The following GTF2A1 variants were observed in gnomAD, a reference collection of about 807,000 sequenced individuals.
GTF2A1 encodes transcription initiation factor IIA subunit 1.
A neutral mutation model predicts 54.1 loss-of-function variants in GTF2A1; 12 were observed. That is an observed-to-expected ratio of 0.22 (90% CI 0.14 to 0.36). The LOEUF (loss-of-function observed/expected upper bound fraction) is 0.36. Ranked by LOEUF, GTF2A1 falls within the 10% of genes least tolerant of loss-of-function variation. GTF2A1 has a pLI of 1.00. For synonymous variants in GTF2A1, 145 were observed against 152.0 expected (o/e 0.95, Z 0.34); for missense variants, 335 against 442.2 (o/e 0.76, Z 2.17).
chr14:81,202,360 T>A lies in GTF2A1; in HGVS notation c.338-702A>T, dbSNP rs147070480. On this transcript the variant is annotated intron_variant, in intron 3 of 8. Transcript: ENST00000553612. ...TAAGCTCAAAAAGTTGTGACTAGTTTTTGAAATCTACATAGTCCTTTTCTT... is the reference window on the plus strand; with the variant it reads ...TAAGCTCAAAAAGTTGTGACTAGTTATTGAAATCTACATAGTCCTTTTCTT... 1.2e-4 allele frequency among the ~76,000 whole-genome samples: 18 copies of A among 152,342 alleles called. No homozygotes were observed. The East Asian group carries it at 2.3e-3, about 20-fold the overall frequency.
In GTF2A1 at chr14:81,175,953, T is replaced by C. The variant is rs1566847146; in HGVS notation, c.*4270A>G. On this transcript the variant is annotated 3_prime_UTR_variant, in exon 9 of 9. Coordinates refer to ENST00000553612, the MANE Select transcript of GTF2A1 (RefSeq NM_015859.4). ...CTTTTTAAAAGCTAGTATTAATCAT[T>C]TGTAACACAGTTTACTAATTCAAAT... is the stretch of plus-strand genomic sequence containing the variant. 6.6e-6 allele frequency: 1 copy of C among 152,220 alleles called. No individual in the cohort carries two copies. The highest frequency in any genetic ancestry group is 1.5e-5 in the Non-Finnish European group (1 of 68,024). The allele number at this position is 152,220 out of a possible 1,614,324, so 9.4% of individuals were successfully genotyped here.
chr14:81,197,355 G>T, intron 5 of GTF2A1, 54 bp downstream of exon 5: 1 of 895,972 alleles, frequency 1.1e-6, no homozygotes, highest in South Asian at 1.5e-5. Context: ...CTAAGGGCTA[G>T]ATAGTACAAT....
intron 4 of GTF2A1, 39 bp downstream of exon 4, chr14:81,201,555 T>C: frequency 8.3e-7 from 1 of 1,211,036 alleles, no homozygotes; most frequent in Non-Finnish European, 1.2e-6. Flanking sequence ...GGGTTAGAAT[T>C]AAGTACAGCC....
chr14:81,190,000 G>C (rs1892839465), intron 7 of GTF2A1, among the ~76,000 whole-genome samples: 1 of 61,242 alleles, frequency 1.6e-5, no homozygotes, highest in South Asian at 3.6e-4. Context: ...TGGTAAGACT[G>C]AACAGGGAAA....
chr14:81,204,140 A>G, intron 2 of GTF2A1, 36 bp from the exon 3 acceptor site: 1 of 1,364,688 alleles, frequency 7.3e-7, no homozygotes, highest in Non-Finnish European at 1.0e-6. Context: ...CTAAGTGAAA[A>G]ATAACTCTGG....
chr14:81,205,150 A>C (rs754143814), intron 2 of GTF2A1, among the ~76,000 whole-genome samples: 4 of 151,962 alleles, frequency 2.6e-5, no homozygotes, highest in Non-Finnish European at 4.4e-5. Flanking sequence ...AAATAGTGAC[A>C]AGATCTCACT....
At chr14:81,218,167 T>C (rs978029350) in intron 1 of GTF2A1, among the ~76,000 whole-genome samples, 2 of 152,026 alleles carry the variant, frequency 1.3e-5, no homozygotes, top group African/African-American at 4.8e-5. Context: ...GGAGTATAAA[T>C]CTCAAATTGA....
At chr14:81,201,706 T>C in intron 3 of GTF2A1, 48 bp from the exon 4 acceptor site, 1 of 1,281,102 alleles carries the variant, frequency 7.8e-7, no homozygotes, top group South Asian at 1.2e-5. Flanking sequence ...TGAGGCTATT[T>C]TATAATCACA....
chr14:81,179,248 C>G lies in GTF2A1; in HGVS notation c.*975G>C, dbSNP rs1892591280. On this transcript the variant is annotated 3_prime_UTR_variant, in exon 9 of 9. Coordinates refer to ENST00000553612, the MANE Select transcript of GTF2A1 (RefSeq NM_015859.4). ...TGTTTAATAAAAATCCAGGTCCTCA[C>G]CACCTGCCCTATGCTAATCAATGCA... The G allele has an allele frequency of 6.6e-6, 1 of 152,198 alleles. No individual in the cohort carries two copies. Among genetic ancestry groups the G allele is most frequent in the Admixed American group, 6.5e-5 (1 of 15,288 alleles). The allele number at this position is 152,198 out of a possible 1,614,324, so 9.4% of individuals were successfully genotyped here.
intron 1 of GTF2A1, among the ~76,000 whole-genome samples, chr14:81,218,636 A>T (rs955383722): frequency 6.6e-6 from 1 of 152,146 alleles, no homozygotes; most frequent in Non-Finnish European, 1.5e-5. Context: ...TTTCAAACTT[A>T]AGAACTGGTA....
At chr14:81,188,138 GTC>G (rs1266547225) in intron 7 of GTF2A1, among the ~76,000 whole-genome samples, 1 of 152,172 alleles carries the variant, frequency 6.6e-6, no homozygotes, top group East Asian at 1.9e-4. Flanking sequence ...TTGGAGAAAT[GTC>G]TATTCAAGTT....
intron 3 of GTF2A1, 118 bp from the exon 4 acceptor site, chr14:81,201,776 A>C (rs1395943733): frequency 4.4e-6 from 3 of 683,478 alleles, no homozygotes; most frequent in Non-Finnish European, 2.6e-6. Flanking sequence ...TTCTGCACTC[A>C]AATGCTTTCA....
intron 2 of GTF2A1, among the ~76,000 whole-genome samples, chr14:81,207,499 C>T (rs544130315): frequency 6.6e-6 from 1 of 152,162 alleles, no homozygotes; most frequent in South Asian, 2.1e-4. Flanking sequence ...TCATCAGCAG[C>T]GTGAAAACAA....
rs1892575905 is a variant in GTF2A1, at chr14:81,178,587, G to C, written c.*1636C>G. 1.1e-5 allele frequency: 1 copy of C among 89,940 alleles called. No individual in the cohort carries two copies. The highest frequency in any genetic ancestry group is 2.3e-5 in the Non-Finnish European group (1 of 43,814). The allele number at this position is 89,940 out of a possible 1,614,324, so 5.6% of individuals were successfully genotyped here. On this transcript the variant is annotated 3_prime_UTR_variant, in exon 9 of 9. Coordinates refer to ENST00000553612, the MANE Select transcript of GTF2A1 (RefSeq NM_015859.4). ...GAGATCAAGGTGGTAAGCTGGGTGGGAAGTAGAAAAAAAAAATTTTTGCCT... is the reference window on the plus strand; with the variant it reads ...GAGATCAAGGTGGTAAGCTGGGTGGCAAGTAGAAAAAAAAAATTTTTGCCT...
intron 2 of GTF2A1, among the ~76,000 whole-genome samples, chr14:81,209,282 G>A (rs1395771299): frequency 6.6e-6 from 1 of 152,106 alleles, no homozygotes; most frequent in Admixed American, 6.5e-5. Flanking sequence ...TTTATCAGGG[G>A]TTTCCGCTTT....
At chr14:81,213,928 C>T (rs1298469997) in intron 2 of GTF2A1, among the ~76,000 whole-genome samples, 1 of 151,602 alleles carries the variant, frequency 6.6e-6, no homozygotes, top group African/African-American at 2.4e-5. Flanking sequence ...CTGCAACCCC[C>T]GCCTCCTGGG....
intron 7 of GTF2A1, among the ~76,000 whole-genome samples, chr14:81,189,757 GAC>G (rs1470857769): frequency 6.6e-6 from 1 of 151,948 alleles, no homozygotes; most frequent in Non-Finnish European, 1.5e-5. Flanking sequence ...AAATCTAACA[GAC>G]ACATACAAAT....
chr14:81,204,888 G>A (rs1893195997), intron 2 of GTF2A1, among the ~76,000 whole-genome samples: 1 of 152,190 alleles, frequency 6.6e-6, no homozygotes, highest in Non-Finnish European at 1.5e-5. Flanking sequence ...ACCAGGTTTA[G>A]TGTTCAATCT....
At chr14:81,190,680 C>A (rs1214418115) in intron 7 of GTF2A1, among the ~76,000 whole-genome samples, 6 of 152,088 alleles carry the variant, frequency 3.9e-5, no homozygotes, top group African/African-American at 1.4e-4. Context: ...AGAAAACCCA[C>A]AACAAACATT....
Sources: gnomAD v4.1 joint callset for allele counts (sites outside exome capture counted in the v4.1 genomes callset) on GRCh38, gnomAD v4.1.1 for gene constraint, MANE v1.5 for transcripts, NCBI Gene and HGNC (gene_info 2026-07-23, HGNC 2026-07-21) for gene names.